CHODL: variants seen among roughly 807,000 people sequenced by gnomAD.
CHODL encodes transmembrane protein MT75.
In CHODL, 29 loss-of-function variants were observed where a neutral mutation model predicts 34.5. That is an observed-to-expected ratio of 0.84 (90% CI 0.63 to 1.15). The LOEUF (loss-of-function observed/expected upper bound fraction) is 1.15, where lower values mean the gene tolerates loss of function less well. Ranked by LOEUF, CHODL falls within the 50% of genes most tolerant of loss-of-function variation. CHODL has a pLI of 0.00. For synonymous variants in CHODL, 125 were observed against 116.1 expected, an observed-to-expected ratio of 1.08 and a Z score of -0.49; for missense variants, 332 against 332.5, an observed-to-expected ratio of 1.00 and a Z score of 0.01.
chr21:18,202,237 T>C (rs540300698), intron 2 of CHODL, among the ~76,000 whole-genome samples: 4 of 152,332 alleles, frequency 2.6e-5, no homozygotes, highest in Non-Finnish European at 5.9e-5. Flanking sequence ...ATTTAATACA[T>C]TTTAAGTTAG....
At chr21:17,943,065 G>A (rs2063378527) in intron 1 of CHODL, among the ~76,000 whole-genome samples, 3 of 152,186 alleles carry the variant, frequency 2.0e-5, no homozygotes, top group African/African-American at 7.2e-5. Flanking sequence ...TTGCAGAACT[G>A]TGAGTCTATT....
intron 2 of CHODL, among the ~76,000 whole-genome samples, chr21:18,060,578 T>G: frequency 6.6e-6 from 1 of 151,728 alleles, no homozygotes; most frequent in Admixed American, 6.6e-5. Flanking sequence ...GACCAAGGCA[T>G]GGCAGCTGAA....
chr21:18,029,052 C>T (rs3848848), intron 2 of CHODL, among the ~76,000 whole-genome samples: 6,480 of 152,150 alleles, frequency 0.043, 329 homozygotes, highest in East Asian at 0.14. Flanking sequence ...TCTTTCTCAC[C>T]TTCTTTAATT....
intron 1 of CHODL, among the ~76,000 whole-genome samples, chr21:18,027,687 T>G (rs1246869933): frequency 6.6e-6 from 1 of 152,194 alleles, no homozygotes; most frequent in Non-Finnish European, 1.5e-5. Flanking sequence ...TGCTATAGAC[T>G]GAATGCTTGT....
intron 2 of CHODL, among the ~76,000 whole-genome samples, chr21:18,166,152 G>C (rs892954701): frequency 6.6e-6 from 1 of 152,098 alleles, no homozygotes; most frequent in Non-Finnish European, 1.5e-5. Flanking sequence ...TGTGGCTCGG[G>C]GCTGAGGACC....
intron 2 of CHODL, among the ~76,000 whole-genome samples, chr21:18,129,892 CTGTGTGTGTGTGTGTG>C (rs150557806): frequency 1.6e-4 from 22 of 140,702 alleles, no homozygotes; most frequent in African/African-American, 4.2e-4. Context: ...CTGTCTTTCT[CTGTGTGTGTGTGTGTG>C]TGTGTGTGTG....
At position 18,168,867 on chromosome 21, in the gene CHODL, A is replaced by G. The variant is rs577497911; in HGVS notation, c.-44-87642A>G. Among the ~76,000 whole-genome samples the G allele has an allele frequency of 1.6e-4, 24 of 152,274 alleles. No homozygotes were observed. The South Asian group carries it at 5.0e-3, about 32-fold the overall frequency. ...TAAGACCACAAATATTTATGTATGT[A>G]TATTTTTCTAAGAATTCTATAGGTT... On this transcript the variant is annotated intron_variant, in intron 2 of 6. Coordinates refer to the CHODL transcript ENST00000400127.
Position 18,260,195 on chromosome 21 carries a change from T to C in CHODL, c.548-5T>C. Reference sequence around the variant, plus strand: ...ATATATGATGGTGGTTCTTATTATTTACAGAGATTAATCCAACAGCCCCTG... The same window carrying C: ...ATATATGATGGTGGTTCTTATTATTCACAGAGATTAATCCAACAGCCCCTG... On this transcript the variant is annotated splice_polypyrimidine_tract_variant and splice_region_variant and intron_variant, in intron 3 of 5. Coordinates refer to ENST00000299295, the MANE Select transcript of CHODL (RefSeq NM_024944.3). 6.7e-7 allele frequency: 1 copy of C among 1,482,184 alleles called. No homozygotes were observed. Among genetic ancestry groups the C allele is most frequent in the Non-Finnish European group, 9.1e-7 (1 of 1,097,938 alleles). 91.8% of individuals were successfully genotyped at this position (1,482,184 alleles called of 1,614,324 possible). A position where few individuals can be genotyped will look rare whatever the true frequency, so the allele number is the denominator to read the frequency against.
intron 2 of CHODL, among the ~76,000 whole-genome samples, chr21:18,171,497 G>A (rs1383487596): frequency 6.6e-6 from 1 of 151,940 alleles, no homozygotes; most frequent in Non-Finnish European, 1.5e-5. Context: ...GTGAGCCACC[G>A]CGCCCGGCCT....
chr21:18,245,610 C>G (rs1185909557), intron 1 of CHODL, among the ~76,000 whole-genome samples: 1 of 152,136 alleles, frequency 6.6e-6, no homozygotes, highest in African/African-American at 2.4e-5. Flanking sequence ...GAGTTGACCA[C>G]ACGGCCGGGC....
intron 2 of CHODL, among the ~76,000 whole-genome samples, chr21:18,130,670 T>A (rs1004278539): frequency 6.6e-6 from 1 of 152,194 alleles, no homozygotes. Context: ...ATCTGTTCTT[T>A]AAATCAGCTG....
chr21:18,166,847 A>ATTAAAAAAACC (rs1601094586), intron 2 of CHODL, among the ~76,000 whole-genome samples: 2 of 152,124 alleles, frequency 1.3e-5, no homozygotes, highest in East Asian at 3.9e-4. Context: ...TTGGGGACCA[A>ATTAAAAAAACC]TGTCATGTGG....
intron 2 of CHODL, among the ~76,000 whole-genome samples, chr21:18,107,773 A>G (rs1356386566): frequency 6.6e-6 from 1 of 152,214 alleles, no homozygotes; most frequent in East Asian, 1.9e-4. Flanking sequence ...TGAGCATGTA[A>G]TAATGTGGTG....
chr21:18,004,823 A>G (rs1294028622), intron 1 of CHODL, among the ~76,000 whole-genome samples: 4 of 144,554 alleles, frequency 2.8e-5, no homozygotes, highest in Non-Finnish European at 4.5e-5. Flanking sequence ...TAAATGAGGT[A>G]AAAAATTGCA....
intron 2 of CHODL, among the ~76,000 whole-genome samples, chr21:18,169,631 C>A (rs1333209722): frequency 6.6e-6 from 1 of 151,850 alleles, no homozygotes; most frequent in African/African-American, 2.4e-5. Flanking sequence ...TCTTTACTTT[C>A]TTTTGCTTAT....
rs1303168976 is a variant in CHODL, at chr21:18,043,223, CTG to C, written c.-45+15255_-45+15256del. On this transcript the variant is annotated intron_variant, in intron 2 of 6. Coordinates refer to the CHODL transcript ENST00000400127. ...AGGGCTAGCCTCAAGGGTGTGCAAC[CTG>C]TGCAGTCGCACTGGGCCAACACACA... 1.2e-4 allele frequency among the ~76,000 whole-genome samples: 19 copies of C among 152,092 alleles called. No homozygotes were observed. In the East Asian group the frequency reaches 3.1e-3, roughly 25 times the overall value.
At chr21:18,026,611 A>C (rs550170905) in intron 1 of CHODL, among the ~76,000 whole-genome samples, 1 of 152,350 alleles carries the variant, frequency 6.6e-6, no homozygotes, top group South Asian at 2.1e-4. Context: ...GAGTTATAAC[A>C]AATGTGACTT....
At chr21:17,932,952 T>C (rs569697432) in intron 1 of CHODL, among the ~76,000 whole-genome samples, 1 of 152,152 alleles carries the variant, frequency 6.6e-6, no homozygotes, top group East Asian at 1.9e-4. Flanking sequence ...AGGATAATAG[T>C]GGAGAGAAGG....
chr21:18,174,143 A>ATCTTGG (rs1221113447), intron 2 of CHODL, among the ~76,000 whole-genome samples: 63 of 120,738 alleles, frequency 5.2e-4, no homozygotes, highest in South Asian at 1.1e-3. Context: ...ATATATATAT[A>ATCTTGG]TATATATATA....
Sources: gnomAD v4.1 joint callset for allele counts (sites outside exome capture counted in the v4.1 genomes callset) on GRCh38, gnomAD v4.1.1 for gene constraint, MANE v1.5 for transcripts, NCBI Gene and HGNC (gene_info 2026-07-23, HGNC 2026-07-21) for gene names.